The following DOCK4 variants were observed in gnomAD, a reference collection of about 807,000 sequenced individuals.
The protein encoded by DOCK4 is dedicator of cytokinesis 4.
DOCK4 carries 97 observed loss-of-function variants against 268.1 expected under a neutral mutation model. The ratio of observed to expected loss-of-function variants is 0.36; its 90% CI spans 0.31 to 0.43. DOCK4 has a LOEUF of 0.43. DOCK4 is among the 20% of genes least tolerant of loss of function. The pLI, the probability that DOCK4 is intolerant of heterozygous loss-of-function variation, is 1.00. For synonymous variants in DOCK4, 954 were observed against 887.2 expected (o/e 1.08, Z -1.34); for missense variants, 2,145 against 2,455.7 (o/e 0.87, Z 2.67).
At chr7:111,767,977 C>T (rs1046817492) in intron 37 of DOCK4, among the ~76,000 whole-genome samples, 31 of 152,080 alleles carry the variant, frequency 2.0e-4, no homozygotes, top group African/African-American at 7.2e-4. Flanking sequence ...TAGTTTTTGT[C>T]ACAACTCTGC....
At chr7:112,142,214 T>C (rs1814998905) in intron 1 of DOCK4, among the ~76,000 whole-genome samples, 2 of 152,136 alleles carry the variant, frequency 1.3e-5, no homozygotes, top group African/African-American at 2.4e-5. Flanking sequence ...CAAGGTCACA[T>C]AGCTAGAAAG....
intron 30 of DOCK4, among the ~76,000 whole-genome samples, chr7:111,806,893 T>G (rs1329783660): frequency 6.6e-6 from 1 of 152,116 alleles, no homozygotes; most frequent in Non-Finnish European, 1.5e-5. Flanking sequence ...AGAGAAGCAA[T>G]TTAACATAAA....
At chr7:112,087,311 C>A (rs1237017815) in intron 1 of DOCK4, among the ~76,000 whole-genome samples, 4 of 152,012 alleles carry the variant, frequency 2.6e-5, no homozygotes, top group Non-Finnish European at 2.9e-5. Flanking sequence ...TAATACATAC[C>A]CCTGTTTTTA....
At chr7:112,146,792 C>G (rs1815550344) in intron 1 of DOCK4, among the ~76,000 whole-genome samples, 1 of 152,074 alleles carries the variant, frequency 6.6e-6, no homozygotes, top group Admixed American at 6.6e-5. Flanking sequence ...TTCGATATCT[C>G]TTCATCCCAT....
Position 111,728,624 on chromosome 7 carries a change from T to C in DOCK4, c.5578A>G (p.Ile1860Val), listed in dbSNP as rs2133345091. ...GTGCTGCACCGGCTGAGAGAAGAAATCCCACTGCTGTAGCTGCCCGACAAG... is the reference window on the plus strand; with the variant it reads ...GTGCTGCACCGGCTGAGAGAAGAAACCCCACTGCTGTAGCTGCCCGACAAG... ...PVLSGSYSSG[I>V]SSLSRCSTSE... is the part of the protein sequence containing the mutation. The change falls in exon 53 of 53, where the codon ATT (isoleucine) becomes GTT (valine). Residue 1860 changes from isoleucine to valine, a missense_variant. By Grantham distance (29) the Ile-to-Val change is conservative (BLOSUM62 3). Around this residue, in one of 2 missense-constraint regions of DOCK4, gnomAD observed 547 missense variants for 469.0 expected, o/e 1.17. Coordinates refer to ENST00000428084, the MANE Select transcript of DOCK4 (RefSeq NM_001363540.2). The C allele has an allele frequency of 1.2e-6, 2 of 1,613,878 alleles. No homozygotes were observed. Among genetic ancestry groups the C allele is most frequent in the East Asian group, 2.2e-5 (1 of 44,846 alleles).
chr7:112,038,110 C>T (rs192867073), intron 1 of DOCK4, among the ~76,000 whole-genome samples: 2 of 152,354 alleles, frequency 1.3e-5, no homozygotes, highest in African/African-American at 4.8e-5. Flanking sequence ...CCTATCCATT[C>T]ATTCATCCTT....
chr7:111,829,747 T>C (rs1802675497), intron 26 of DOCK4, among the ~76,000 whole-genome samples: 2 of 152,346 alleles, frequency 1.3e-5, no homozygotes, highest in South Asian at 4.1e-4. Flanking sequence ...TGATACATAC[T>C]AAATTGCATA....
At chr7:111,740,671 T>A (rs67052503) in intron 47 of DOCK4, among the ~76,000 whole-genome samples, 39,091 of 135,040 alleles carry the variant, frequency 0.29, 5,578 homozygotes, top group Middle Eastern at 0.34. Context: ...AGGCGGAGGT[T>A]GCAGTGAGCC....
At chr7:111,952,651 T>C (rs368632118) in intron 8 of DOCK4, among the ~76,000 whole-genome samples, 1 of 152,190 alleles carries the variant, frequency 6.6e-6, no homozygotes, top group African/African-American at 2.4e-5. Flanking sequence ...ATATCTTCGG[T>C]TGAAACATGT....
intron 25 of DOCK4, among the ~76,000 whole-genome samples, chr7:111,844,296 G>A (rs1272684086): frequency 1.3e-5 from 2 of 152,034 alleles, no homozygotes; most frequent in East Asian, 3.9e-4. Context: ...AAAAAACTTT[G>A]CCAATTCCAA....
intron 1 of DOCK4, among the ~76,000 whole-genome samples, chr7:112,128,345 C>A (rs1045200068): frequency 2.0e-5 from 3 of 151,592 alleles, no homozygotes; most frequent in African/African-American, 4.9e-5. Context: ...AGGTGAGGGG[C>A]GCCTCTGCCC....
intron 7 of DOCK4, among the ~76,000 whole-genome samples, chr7:111,981,525 G>T (rs1016882186): frequency 6.6e-6 from 1 of 152,126 alleles, no homozygotes; most frequent in Non-Finnish European, 1.5e-5. Context: ...ACTTAAAATA[G>T]AAGTTGAAGA....
rs1439230587 is a variant in DOCK4, at chr7:112,066,728, T to C, written c.38-62597A>G. ...ATATATATATATATATATATATATA[T>C]ATATATATATATATCTCCTATTGGC... On this transcript the variant is annotated intron_variant, in intron 1 of 52. Transcript: ENST00000428084. Among the ~76,000 whole-genome samples, 8 of 105,518 alleles carry C rather than the reference T, an allele frequency of 7.6e-5. 1 individual carries two copies. Among genetic ancestry groups the C allele is most frequent in the South Asian group, 6.0e-4 (2 of 3,308 alleles). The allele number at this position is 105,518 out of a possible 152,430, so 69.2% of individuals were successfully genotyped here.
intron 23 of DOCK4, among the ~76,000 whole-genome samples, chr7:111,854,470 G>A (rs896333650): frequency 5.3e-5 from 8 of 152,192 alleles, no homozygotes; most frequent in African/African-American, 7.2e-5. Context: ...TTTTTGAGAC[G>A]TGGGTCTTGC....
At chr7:111,809,425 A>C in intron 28 of DOCK4, 24 bp from the exon 29 acceptor site, 2 of 1,522,948 alleles carry the variant, frequency 1.3e-6, no homozygotes, top group African/African-American at 1.4e-5. Context: ...AAGATATATC[A>C]ATACTATGGT....
chr7:111,874,295 G>A (rs1407506640), intron 17 of DOCK4, among the ~76,000 whole-genome samples: 1 of 152,174 alleles, frequency 6.6e-6, no homozygotes. Flanking sequence ...TCAGGACCCT[G>A]CTCAATGTGA....
intron 1 of DOCK4, among the ~76,000 whole-genome samples, chr7:112,095,455 A>G (rs763637478): frequency 1.3e-5 from 2 of 152,234 alleles, no homozygotes; most frequent in Non-Finnish European, 2.9e-5. Flanking sequence ...AAGAATATGT[A>G]ACTAAGTGAC....
At chr7:112,129,286 T>G (rs1038858455) in intron 1 of DOCK4, among the ~76,000 whole-genome samples, 1 of 152,180 alleles carries the variant, frequency 6.6e-6, no homozygotes, top group African/African-American at 2.4e-5. Context: ...TTATATATAG[T>G]ATAATTCCAT....
At chr7:111,748,780 C>T (rs961322140) in intron 42 of DOCK4, among the ~76,000 whole-genome samples, 9 of 152,086 alleles carry the variant, frequency 5.9e-5, no homozygotes, top group South Asian at 4.1e-4. Flanking sequence ...GGTTTGTGCA[C>T]GTGTACCAGG....
Sources: allele counts gnomAD v4.1 joint callset (sites outside exome capture counted in the v4.1 genomes callset), GRCh38; gene constraint gnomAD v4.1.1; regional missense constraint gnomAD v4.1.1; transcripts MANE v1.5; gene names NCBI Gene and HGNC (gene_info 2026-07-23, HGNC 2026-07-21).